Variants in CADM2 observed in about 807,000 individuals in gnomAD.
CADM2 encodes immunoglobulin superfamily member 4D.
CADM2 carries 12 observed loss-of-function variants against 49.8 expected under a neutral mutation model. The ratio of observed to expected loss-of-function variants is 0.24; its 90% CI spans 0.15 to 0.39. The LOEUF (loss-of-function observed/expected upper bound fraction) is 0.39, where lower values mean the gene tolerates loss of function less well. Among genes scored for constraint, CADM2 ranks in the 10% least tolerant of loss-of-function variants. CADM2 has a pLI of 1.00. For missense variants in CADM2, 378 were observed against 492.3 expected, an observed-to-expected ratio of 0.77 and a Z score of 2.20; for synonymous variants, 214 against 175.4, an observed-to-expected ratio of 1.22 and a Z score of -1.74.
At chr3:85,447,976 G>A (rs149735908) in intron 1 of CADM2, among the ~76,000 whole-genome samples, 1 of 152,172 alleles carries the variant, frequency 6.6e-6, no homozygotes, top group Non-Finnish European at 1.5e-5. Context: ...TGAAAGAAAA[G>A]CCAATAAGCA....
At chr3:85,518,294 G>A (rs146835410) in intron 1 of CADM2, among the ~76,000 whole-genome samples, 1 of 152,256 alleles carries the variant, frequency 6.6e-6, no homozygotes, top group African/African-American at 2.4e-5. Flanking sequence ...TCTAGCCTCA[G>A]CTGTTTTTCT....
chr3:84,997,377 T>C (rs1407463582), intron 1 of CADM2, among the ~76,000 whole-genome samples: 1 of 152,062 alleles, frequency 6.6e-6, no homozygotes, highest in African/African-American at 2.4e-5. Flanking sequence ...GACCGATTTT[T>C]CCACTAGTTT....
intron 2 of CADM2, among the ~76,000 whole-genome samples, chr3:85,765,837 G>A (rs905827838): frequency 7.2e-5 from 11 of 151,954 alleles, no homozygotes; most frequent in Admixed American, 4.6e-4. Context: ...CCCTATCTAT[G>A]TTTTTGTTTT....
At chr3:85,899,455 G>T (rs1041076653) in intron 5 of CADM2, among the ~76,000 whole-genome samples, 1 of 152,034 alleles carries the variant, frequency 6.6e-6, no homozygotes, top group African/African-American at 2.4e-5. Context: ...TTATTTTCGG[G>T]TCAGTTTCCA....
At chr3:85,296,814 G>T (rs563865103) in intron 1 of CADM2, among the ~76,000 whole-genome samples, 9 of 152,164 alleles carry the variant, frequency 5.9e-5, no homozygotes, top group African/African-American at 1.9e-4. Flanking sequence ...ACAGATAGAG[G>T]TGTATACCCT....
intron 2 of CADM2, 61 bp downstream of exon 2, chr3:85,726,609 G>C (rs561306657): frequency 2.9e-6 from 4 of 1,360,746 alleles, no homozygotes; most frequent in Non-Finnish European, 4.2e-6. Context: ...AATCTTCTAA[G>C]TTCTCTTAAA....
intron 1 of CADM2, among the ~76,000 whole-genome samples, chr3:85,624,237 A>G (rs2064057320): frequency 6.6e-6 from 1 of 152,156 alleles, no homozygotes; most frequent in Non-Finnish European, 1.5e-5. Context: ...AAAAATTCAG[A>G]TTCTTAGTGT....
rs113371867 is a variant in CADM2, at chr3:85,060,192, G to A, written c.61+100524G>A. On this transcript the variant is annotated intron_variant, in intron 1 of 9. Transcript: ENST00000383699. ...GTCGCCCAGGCTGGAGTGCAATGGC[G>A]CGATTTTGGCTCACTGCAACCTCTG... 7.1e-3 allele frequency among the ~76,000 whole-genome samples: 1,074 copies of A among 151,906 alleles called. 16 individuals carry two copies. The highest frequency in any genetic ancestry group is 0.024 in the African/African-American group (1,002 of 41,408).
At chr3:85,810,481 C>T (rs1474188843) in intron 3 of CADM2, among the ~76,000 whole-genome samples, 1 of 148,780 alleles carries the variant, frequency 6.7e-6, no homozygotes, top group Non-Finnish European at 1.5e-5. Context: ...TGCATTGCTT[C>T]TCTGGGAAGA....
At chr3:85,896,436 A>G (rs1715226107) in intron 5 of CADM2, among the ~76,000 whole-genome samples, 1 of 152,196 alleles carries the variant, frequency 6.6e-6, no homozygotes, top group Admixed American at 6.5e-5. Context: ...GAAATGTATA[A>G]GTTTTAGCCT....
chr3:85,421,720 A>G (rs74502104), intron 1 of CADM2, among the ~76,000 whole-genome samples: 3,015 of 152,278 alleles, frequency 0.02, 87 homozygotes, highest in African/African-American at 0.067. Context: ...TTACTCACAT[A>G]TTGTTCACTA....
At chr3:85,512,098 C>T (rs926333785) in intron 1 of CADM2, among the ~76,000 whole-genome samples, 1 of 151,982 alleles carries the variant, frequency 6.6e-6, no homozygotes, top group Non-Finnish European at 1.5e-5. Flanking sequence ...TATTGATCCC[C>T]ATCACCCAGG....
At chr3:85,511,564 T>C (rs912463742) in intron 1 of CADM2, among the ~76,000 whole-genome samples, 2 of 152,122 alleles carry the variant, frequency 1.3e-5, no homozygotes, top group Non-Finnish European at 2.9e-5. Context: ...ATGTTTTTTA[T>C]TTGATACATT....
intron 3 of CADM2, among the ~76,000 whole-genome samples, chr3:85,839,143 G>T (rs1287797026): frequency 6.6e-6 from 1 of 151,752 alleles, no homozygotes; most frequent in Non-Finnish European, 1.5e-5. Flanking sequence ...CAAGACTGTA[G>T]TACCCTAATT....
chr3:85,213,559 A>G (rs1251245224), intron 1 of CADM2, among the ~76,000 whole-genome samples: 1 of 151,986 alleles, frequency 6.6e-6, no homozygotes, highest in African/African-American at 2.4e-5. Context: ...CCTTTAGTTT[A>G]TATCTGCTAA....
At chr3:85,149,936 T>A (rs1255093702) in intron 1 of CADM2, among the ~76,000 whole-genome samples, 1 of 152,186 alleles carries the variant, frequency 6.6e-6, no homozygotes, top group East Asian at 1.9e-4. Context: ...ATTTTCACAG[T>A]CTCTTAACAA....
At chr3:85,647,317 G>A (rs757618626) in intron 1 of CADM2, among the ~76,000 whole-genome samples, 6 of 151,376 alleles carry the variant, frequency 4.0e-5, no homozygotes, top group South Asian at 2.1e-4. Flanking sequence ...AGATAAACAC[G>A]GAGCTTTCCT....
chr3:85,645,449 A>G (rs905787067), intron 1 of CADM2, among the ~76,000 whole-genome samples: 5 of 152,040 alleles, frequency 3.3e-5, no homozygotes, highest in Non-Finnish European at 5.9e-5. Context: ...TTTAGACAAC[A>G]GTAAGTTTCC....
chr3:85,460,862 T>G (rs1014564581), intron 1 of CADM2, among the ~76,000 whole-genome samples: 3 of 151,968 alleles, frequency 2.0e-5, no homozygotes, highest in African/African-American at 7.3e-5. Flanking sequence ...GAAGCTCTCC[T>G]CTAGAGAAAA....
Sources: allele counts gnomAD v4.1 joint callset (sites outside exome capture counted in the v4.1 genomes callset), GRCh38; gene constraint gnomAD v4.1.1; transcripts MANE v1.5; gene names NCBI Gene and HGNC (gene_info 2026-07-23, HGNC 2026-07-21).